CADPS2: variants seen among roughly 807,000 people sequenced by gnomAD.
CADPS2 encodes the protein calcium dependent secretion activator 2.
A neutral mutation model predicts 172.5 loss-of-function variants in CADPS2; 93 were observed. The observed-to-expected ratio is 0.54, with a 90% CI of 0.46 to 0.64. The LOEUF is 0.64. Ranked by LOEUF, CADPS2 falls within the 30% of genes least tolerant of loss-of-function variation. CADPS2 has a pLI of 0.00. For synonymous variants in CADPS2, 546 were observed against 555.2 expected, an observed-to-expected ratio of 0.98 and a Z score of 0.23; for missense variants, 1,420 against 1,565.9, an observed-to-expected ratio of 0.91 and a Z score of 1.57.
chr7:122,318,548 A>G lies in CADPS2; in HGVS notation c.*1617T>C, dbSNP rs1447910046. ...CCATTGGAGAGTTTGGGATAGCATG[A>G]CTGGACATTTGAGGGTTTGGAGAAA... On this transcript the variant is annotated 3_prime_UTR_variant, in exon 30 of 30. Transcript: ENST00000449022. The G allele has an allele frequency of 6.6e-6, 1 of 152,272 alleles. No individual in the cohort carries two copies. The highest frequency in any genetic ancestry group is 1.9e-4 in the East Asian group (1 of 5,204). The allele number at this position is 152,272 out of a possible 1,614,324, so 9.4% of individuals were successfully genotyped here. A position where few individuals can be genotyped will look rare whatever the true frequency, so the allele number is the denominator to read the frequency against.
chr7:122,508,130 C>A (rs980157398), intron 9 of CADPS2, among the ~76,000 whole-genome samples: 2 of 152,054 alleles, frequency 1.3e-5, no homozygotes, highest in Non-Finnish European at 2.9e-5. Context: ...CAAATACACA[C>A]ATGCACACAC....
At chr7:122,458,374 A>G (rs545540829) in intron 14 of CADPS2, among the ~76,000 whole-genome samples, 1 of 152,300 alleles carries the variant, frequency 6.6e-6, no homozygotes, top group Admixed American at 6.5e-5. Context: ...AATACCTCCT[A>G]TTGTTTGAAT....
chr7:122,880,624 G>T (rs372321666), intron 1 of CADPS2, among the ~76,000 whole-genome samples: 22 of 152,298 alleles, frequency 1.4e-4, no homozygotes, highest in African/African-American at 5.1e-4. Context: ...CAATTGGGAA[G>T]TTTTAACACT....
At chr7:122,577,224 T>C (rs1280116364) in intron 7 of CADPS2, among the ~76,000 whole-genome samples, 1 of 152,054 alleles carries the variant, frequency 6.6e-6, no homozygotes, top group East Asian at 1.9e-4. Flanking sequence ...ATAAAATACC[T>C]AGCCTTAGGT....
chr7:122,379,469 T>TA, intron 24 of CADPS2, 27 bp from the exon 25 acceptor site: 1 of 1,476,246 alleles, frequency 6.8e-7, no homozygotes, highest in Non-Finnish European at 9.4e-7. Context: ...AAAAACTCAT[T>TA]AGTTGACATG....
intron 2 of CADPS2, among the ~76,000 whole-genome samples, chr7:122,691,151 T>G (rs2084305324): frequency 6.6e-6 from 1 of 152,208 alleles, no homozygotes; most frequent in Non-Finnish European, 1.5e-5. Flanking sequence ...TCACTACCCA[T>G]GAATGCACCC....
chr7:122,840,413 G>A (rs899214808), intron 1 of CADPS2, among the ~76,000 whole-genome samples: 3 of 151,502 alleles, frequency 2.0e-5, no homozygotes, highest in African/African-American at 7.3e-5. Context: ...ATGTACCCTA[G>A]AACTTAAAGT....
chr7:122,766,920 A>G (rs1253475450), intron 1 of CADPS2, among the ~76,000 whole-genome samples: 1 of 152,206 alleles, frequency 6.6e-6, no homozygotes, highest in East Asian at 1.9e-4. Context: ...ATGAGGTAGG[A>G]ATAACAATAG....
At chr7:122,399,702 T>TTTTTTTTTTTTTTTTTTTTTTTTC (rs2045676890) in intron 20 of CADPS2, among the ~76,000 whole-genome samples, 1 of 104,734 alleles carries the variant, frequency 9.5e-6, no homozygotes, top group Non-Finnish European at 1.9e-5. Flanking sequence ...TTTTTTTTTT[T>TTTTTTTTTTTTTTTTTTTTTTTTC]TTGAGACGGA....
intron 1 of CADPS2, among the ~76,000 whole-genome samples, chr7:122,856,910 C>T (rs958812812): frequency 2.0e-5 from 3 of 152,096 alleles, no homozygotes; most frequent in East Asian, 3.8e-4. Flanking sequence ...TCACTTGTTC[C>T]AGAGAATTAT....
chr7:122,666,344 C>A (rs1368210613), intron 2 of CADPS2, among the ~76,000 whole-genome samples: 1 of 78,508 alleles, frequency 1.3e-5, no homozygotes, highest in Non-Finnish European at 2.8e-5. Flanking sequence ...TGTCTGCTAA[C>A]ACTTTTTTTT....
chr7:122,488,890 C>T (rs2058063073), intron 11 of CADPS2, among the ~76,000 whole-genome samples: 1 of 152,146 alleles, frequency 6.6e-6, no homozygotes, highest in Non-Finnish European at 1.5e-5. Flanking sequence ...TCTGATGAAA[C>T]ACTCTTATCT....
intron 7 of CADPS2, among the ~76,000 whole-genome samples, chr7:122,572,695 C>T (rs1387716643): frequency 6.6e-6 from 1 of 152,030 alleles, no homozygotes; most frequent in Non-Finnish European, 1.5e-5. Context: ...TTTTATATGG[C>T]TATGTTAGGC....
chr7:122,845,140 G>A (rs141997119), intron 1 of CADPS2, among the ~76,000 whole-genome samples: 1 of 152,280 alleles, frequency 6.6e-6, no homozygotes, highest in African/African-American at 2.4e-5. Flanking sequence ...TCAGTCAGAA[G>A]CAGGATAATA....
chr7:122,390,829 G>A (rs942848199), intron 22 of CADPS2, among the ~76,000 whole-genome samples: 2 of 151,768 alleles, frequency 1.3e-5, no homozygotes, highest in Non-Finnish European at 2.9e-5. Flanking sequence ...ATTCCTAAAG[G>A]TATTATTAAC....
At chr7:122,500,101 T>C (rs2059074134) in intron 9 of CADPS2, among the ~76,000 whole-genome samples, 1 of 152,174 alleles carries the variant, frequency 6.6e-6, no homozygotes, top group Non-Finnish European at 1.5e-5. Flanking sequence ...GTTCTTCACC[T>C]GAACTGCCAA....
chr7:122,516,849 C>CT (rs1310322478), intron 8 of CADPS2, among the ~76,000 whole-genome samples: 8 of 152,044 alleles, frequency 5.3e-5, no homozygotes, highest in Non-Finnish European at 8.8e-5. Context: ...TTATGCCTTT[C>CT]TATAATTCCA....
intron 7 of CADPS2, among the ~76,000 whole-genome samples, chr7:122,574,183 T>C (rs1277517627): frequency 6.6e-6 from 1 of 151,936 alleles, no homozygotes; most frequent in Non-Finnish European, 1.5e-5. Context: ...CAGTGGCTCA[T>C]GCCAGGAATC....
At chr7:122,586,787 G>A (rs189249986) in intron 6 of CADPS2, among the ~76,000 whole-genome samples, 106 of 151,422 alleles carry the variant, frequency 7.0e-4, no homozygotes, top group African/African-American at 1.7e-3. Context: ...TTAATATATC[G>A]GGATCCTAAA....
Sources: gnomAD v4.1 joint callset for allele counts (sites outside exome capture counted in the v4.1 genomes callset) on GRCh38, gnomAD v4.1.1 for gene constraint, MANE v1.5 for transcripts, NCBI Gene and HGNC (gene_info 2026-07-23, HGNC 2026-07-21) for gene names.